Variants in FBXL5 observed in about 807,000 individuals in gnomAD.
The protein encoded by FBXL5 is F-box/LRR-repeat protein 5.
In FBXL5, 26 loss-of-function variants were observed where a neutral mutation model predicts 78.3. The observed-to-expected ratio is 0.33, with a 90% CI of 0.24 to 0.46. FBXL5 has a LOEUF of 0.46. FBXL5 is among the 20% of genes least tolerant of loss of function. The probability of loss-of-function intolerance (pLI) is 1.00; values close to 1 mark genes in which losing one functional copy is unlikely to be tolerated. For missense variants in FBXL5, 710 were observed against 829.2 expected (o/e 0.86, Z 1.77); for synonymous variants, 295 against 282.5 (o/e 1.04, Z -0.45).
chr4:15,659,757 C>T, upstream of FBXL5: 11 of 984,330 alleles, frequency 1.1e-5, no homozygotes, highest in Non-Finnish European at 1.3e-5. Flanking sequence ...GTAAATATTG[C>T]CAAGTGAACA....
Position 15,605,620 on chromosome 4 carries a change from C to A in FBXL5, c.*103G>T. ...TAAGAAATGGGGCCAAAACAAGTCACGCTCAAAAAGGGATGGTTAACACAA... is the reference window on the plus strand; with the variant it reads ...TAAGAAATGGGGCCAAAACAAGTCAAGCTCAAAAAGGGATGGTTAACACAA... On this transcript the variant is annotated 3_prime_UTR_variant, in exon 11 of 11. Transcript: ENST00000341285. The A allele has an allele frequency of 1.1e-5, 10 of 907,070 alleles. No homozygotes were observed. The highest frequency in any genetic ancestry group is 1.7e-5 in the Non-Finnish European group (10 of 578,522). The allele number at this position is 907,070 out of a possible 1,614,324, so 56.2% of individuals were successfully genotyped here.
At chr4:15,641,537 T>C (rs1714872902) in intron 2 of FBXL5, 3 of 432,828 alleles carry the variant, frequency 6.9e-6, no homozygotes, top group African/African-American at 5.9e-5. Context: ...ACTGTAAGAA[T>C]CCAGTATATA....
At chr4:15,669,516 AAC>A (rs567794286) in intron 1 of FBXL5, among the ~76,000 whole-genome samples, 37 of 152,302 alleles carry the variant, frequency 2.4e-4, no homozygotes, top group African/African-American at 7.5e-4. Flanking sequence ...CAGCCTTGGC[AAC>A]AGAGACCTTG....
intron 9 of FBXL5, among the ~76,000 whole-genome samples, chr4:15,615,985 C>T (rs998705992): frequency 6.6e-6 from 1 of 152,148 alleles, no homozygotes; most frequent in Non-Finnish European, 1.5e-5. Context: ...TAACACTCAC[C>T]GCGAAGATCT....
chr4:15,629,916 T>C (rs899158032), intron 6 of FBXL5, among the ~76,000 whole-genome samples: 2 of 152,114 alleles, frequency 1.3e-5, no homozygotes, highest in African/African-American at 2.4e-5. Context: ...TAGAAGAATG[T>C]CTCATCTGTT....
Position 15,655,279 on chromosome 4 carries a change from G to A in FBXL5, c.9C>T (p.Pro3=), listed in dbSNP as rs1484085746. ...TGAAGACGTCCACTTCTTCAGGAAA[G>A]GGCGCCATCGCCACTGCCTCAGCCT... The part of the protein sequence containing the change: MA[P]FPEEVDVFTA... The change falls in exon 1 of 11, where the codon CCC becomes CCT. Residue 3 remains proline, a synonymous_variant. Coordinates refer to ENST00000341285, the MANE Select transcript of FBXL5 (RefSeq NM_012161.4). 5.6e-6 allele frequency: 8 copies of A among 1,429,834 alleles called. No homozygotes were observed. The highest frequency in any genetic ancestry group is 2.2e-5 in the Admixed American group (1 of 44,908). The allele number at this position is 1,429,834 out of a possible 1,614,324, so 88.6% of individuals were successfully genotyped here.
chr4:15,628,785 A>ACACACACG (rs10682962), intron 6 of FBXL5, among the ~76,000 whole-genome samples: 41 of 98,184 alleles, frequency 4.2e-4, no homozygotes, highest in African/African-American at 8.8e-4. Flanking sequence ...ACACACACAC[A>ACACACACG]CACGCACACA....
At chr4:15,614,725 G>T (rs1288811655) in intron 9 of FBXL5, among the ~76,000 whole-genome samples, 1 of 152,148 alleles carries the variant, frequency 6.6e-6, no homozygotes. Flanking sequence ...GTTCCCACAG[G>T]TATTATTGAG....
At chr4:15,645,923 T>C (rs1433554407) in intron 1 of FBXL5, among the ~76,000 whole-genome samples, 1 of 152,224 alleles carries the variant, frequency 6.6e-6, no homozygotes, top group Admixed American at 6.5e-5. Context: ...GGCACTGTTC[T>C]TTGGTACCTG....
intron 9 of FBXL5, among the ~76,000 whole-genome samples, chr4:15,621,047 T>C (rs1033045257): frequency 3.3e-5 from 5 of 152,336 alleles, no homozygotes; most frequent in Middle Eastern, 3.4e-3. Flanking sequence ...GTGAGACCCC[T>C]GATTTCCCAC....
intron 1 of FBXL5, among the ~76,000 whole-genome samples, chr4:15,668,497 T>C (rs1421517146): frequency 6.6e-6 from 1 of 152,146 alleles, no homozygotes; most frequent in Non-Finnish European, 1.5e-5. Flanking sequence ...TTGTTCTTTG[T>C]ACTTGGTTTT....
intron 3 of FBXL5, among the ~76,000 whole-genome samples, chr4:15,639,700 T>C (rs558940283): frequency 1.4e-4 from 21 of 152,358 alleles, no homozygotes; most frequent in Admixed American, 2.6e-4. Context: ...ACTGGCTGTA[T>C]ATTACAATGA....
chr4:15,618,634 G>A (rs1560214005), intron 9 of FBXL5, among the ~76,000 whole-genome samples: 1 of 152,052 alleles, frequency 6.6e-6, no homozygotes, highest in Non-Finnish European at 1.5e-5. Flanking sequence ...TAAAGGTCAG[G>A]AGTTCAAGAC....
chr4:15,606,821 AC>A (rs1480776347), intron 10 of FBXL5, among the ~76,000 whole-genome samples: 12 of 152,270 alleles, frequency 7.9e-5, no homozygotes, highest in African/African-American at 2.4e-4. Flanking sequence ...AAATCACAGT[AC>A]TCTGGGGTGA....
At chr4:15,642,128 A>C (rs1411590642) in intron 2 of FBXL5, among the ~76,000 whole-genome samples, 4 of 152,118 alleles carry the variant, frequency 2.6e-5, no homozygotes, top group Non-Finnish European at 5.9e-5. Flanking sequence ...AACTCATTCT[A>C]ATTCTGGGCA....
chr4:15,625,849 A>T lies in FBXL5; in HGVS notation c.1253T>A (p.Phe418Tyr). The T allele has an allele frequency of 6.2e-7, 1 of 1,614,148 alleles. No individual in the cohort carries two copies. Among genetic ancestry groups the T allele is most frequent in the South Asian group, 1.1e-5 (1 of 91,076 alleles). ...LGILTSHQSG[F>Y]LKTSTSKITS... is the part of the protein sequence containing the mutation. The stretch of plus-strand genomic sequence containing the variant: ...AATTTTGCTTGTAGATGTTTTCAAA[A>T]AGCCACTTTGATGAGATGTCAGAAT... The change falls in exon 9 of 11, where the codon TTT becomes TAT. Residue 418 changes from phenylalanine to tyrosine, a missense_variant. Around this residue, in one of 4 missense-constraint regions of FBXL5, gnomAD observed 517 missense variants for 542.9 expected, o/e 0.95. Coordinates refer to ENST00000341285, the MANE Select transcript of FBXL5 (RefSeq NM_012161.4).
rs1242766023 is a variant in FBXL5, at chr4:15,605,176, T to C, written c.*547A>G. On this transcript the variant is annotated 3_prime_UTR_variant, in exon 11 of 11. Transcript: ENST00000341285. ...CTTTCCTAGCTCACTGAGCTAACAC[T>C]CAGAAGCCAATTTATTCTATAATCC... The C allele has an allele frequency of 6.5e-6, 1 of 152,804 alleles. No individual in the cohort carries two copies. Among genetic ancestry groups the C allele is most frequent in the Non-Finnish European group, 1.5e-5 (1 of 68,166 alleles). 9.5% of individuals were successfully genotyped at this position (152,804 alleles called of 1,614,324 possible).
chr4:15,639,637 G>C lies in FBXL5; in HGVS notation c.397-943C>G, dbSNP rs141437597. Among the ~76,000 whole-genome samples the C allele has an allele frequency of 2.0e-5, 3 of 152,214 alleles. No homozygotes were observed. The East Asian group carries it at 5.8e-4, about 29-fold the overall frequency. On this transcript the variant is annotated intron_variant, in intron 3 of 10. Transcript: ENST00000341285. ...TTCACTTCCACAGATAATTGTGATG[G>C]ATATCATACAGTTAAAAAACACTGG...
chr4:15,656,318 C>T (rs1487673504), upstream of FBXL5: 17 of 456,100 alleles, frequency 3.7e-5, no homozygotes, highest in Non-Finnish European at 6.6e-5. Flanking sequence ...GCCGGTCAGT[C>T]TTAGATTGGT....
Sources: gnomAD v4.1 joint callset for allele counts (sites outside exome capture counted in the v4.1 genomes callset) on GRCh38, gnomAD v4.1.1 for gene constraint, gnomAD v4.1.1 regional missense constraint, MANE v1.5 for transcripts, NCBI Gene and HGNC (gene_info 2026-07-23, HGNC 2026-07-21) for gene names.